RNGTT: variants seen among roughly 807,000 people sequenced by gnomAD.
RNGTT encodes mRNA-capping enzyme.
Under a neutral mutation model 79.3 loss-of-function variants are expected in RNGTT, and 33 were observed. The ratio of observed to expected loss-of-function variants is 0.42; its 90% CI spans 0.32 to 0.56. RNGTT has a LOEUF of 0.56. Ranked by LOEUF, RNGTT falls within the 20% of genes least tolerant of loss-of-function variation. The pLI, the probability that RNGTT is intolerant of heterozygous loss-of-function variation, is 0.17. For missense variants in RNGTT, 497 were observed against 739.1 expected, an observed-to-expected ratio of 0.67 and a Z score of 3.80; for synonymous variants, 222 against 235.9, an observed-to-expected ratio of 0.94 and a Z score of 0.54.
intron 13 of RNGTT, among the ~76,000 whole-genome samples, chr6:88,705,094 T>A (rs999413205): frequency 4.6e-5 from 7 of 152,170 alleles, no homozygotes; most frequent in African/African-American, 1.7e-4. Context: ...TTTATGGAAT[T>A]CCTTTAGATG....
intron 13 of RNGTT, among the ~76,000 whole-genome samples, chr6:88,753,100 C>A (rs1018986439): frequency 2.0e-5 from 3 of 151,856 alleles, no homozygotes; most frequent in South Asian, 4.1e-4. Flanking sequence ...CTTTTATTTC[C>A]CCCTAAAATT....
chr6:88,664,589 G>A (rs1774321693), intron 14 of RNGTT, among the ~76,000 whole-genome samples: 2 of 152,172 alleles, frequency 1.3e-5, no homozygotes, highest in Non-Finnish European at 2.9e-5. Flanking sequence ...AGGGAATGGG[G>A]GCTCCAGGAA....
chr6:88,769,155 T>C (rs1414822052), intron 13 of RNGTT, among the ~76,000 whole-genome samples: 1 of 152,024 alleles, frequency 6.6e-6, no homozygotes, highest in East Asian at 1.9e-4. Context: ...AGTTCTTTTC[T>C]TTGGGGGGAG....
intron 14 of RNGTT, among the ~76,000 whole-genome samples, chr6:88,616,157 T>C (rs989572388): frequency 1.8e-4 from 27 of 152,234 alleles, no homozygotes; most frequent in African/African-American, 5.8e-4. Flanking sequence ...TTGAGGTTTA[T>C]TCATGTTGTA....
chr6:88,821,455 AG>A (rs1255915837), intron 11 of RNGTT, among the ~76,000 whole-genome samples: 1 of 152,112 alleles, frequency 6.6e-6, no homozygotes, highest in African/African-American at 2.4e-5. Flanking sequence ...GGGCATTTTG[AG>A]GAACTATCCA....
chr6:88,662,102 C>T (rs1053809494), intron 14 of RNGTT, among the ~76,000 whole-genome samples: 1 of 152,200 alleles, frequency 6.6e-6, no homozygotes, highest in African/African-American at 2.4e-5. Flanking sequence ...TTGACAAAAT[C>T]TAGCATTCCT....
chr6:88,862,040 C>T (rs1042003679), intron 8 of RNGTT, among the ~76,000 whole-genome samples: 3 of 151,966 alleles, frequency 2.0e-5, no homozygotes, highest in African/African-American at 4.8e-5. Flanking sequence ...AGAAAAAGAC[C>T]AGATAATTTA....
At chr6:88,672,475 G>A (rs111851545) in intron 14 of RNGTT, among the ~76,000 whole-genome samples, 2,504 of 152,168 alleles carry the variant, frequency 0.016, 70 homozygotes, top group African/African-American at 0.056. Flanking sequence ...AACACTGTAT[G>A]TTCTCACTCA....
intron 14 of RNGTT, among the ~76,000 whole-genome samples, chr6:88,615,270 G>T (rs768300935): frequency 8.5e-5 from 13 of 152,216 alleles, no homozygotes; most frequent in Non-Finnish European, 1.9e-4. Context: ...AACTTCATTA[G>T]CATTATCTGA....
chr6:88,913,545 T>C (rs1439633412), intron 4 of RNGTT, among the ~76,000 whole-genome samples: 3 of 152,236 alleles, frequency 2.0e-5, no homozygotes, highest in African/African-American at 7.2e-5. Context: ...GTTGCAATGT[T>C]GGTTCAACAT....
chr6:88,826,804 A>C (rs1337757394), intron 11 of RNGTT, among the ~76,000 whole-genome samples: 1 of 109,922 alleles, frequency 9.1e-6, no homozygotes, highest in African/African-American at 4.1e-5. Flanking sequence ...AAAAAAATAT[A>C]TATATATATA....
rs1274712166 is a variant in RNGTT, at chr6:88,666,667, C to T, written c.1506+11686G>A. On this transcript the variant is annotated intron_variant, in intron 14 of 15. Coordinates refer to ENST00000369485, the MANE Select transcript of RNGTT (RefSeq NM_003800.5). ...AGTTTATTCTAGCAGACCGGACCTC[C>T]GGGACAAACCTTGGATGTCTGTAGA... 6.6e-5 allele frequency among the ~76,000 whole-genome samples: 10 copies of T among 152,178 alleles called. No homozygotes were observed. In the East Asian group the frequency reaches 1.3e-3, roughly 21 times the overall value.
intron 11 of RNGTT, among the ~76,000 whole-genome samples, chr6:88,843,190 T>G (rs991346665): frequency 6.6e-6 from 1 of 150,760 alleles, no homozygotes; most frequent in Non-Finnish European, 1.5e-5. Context: ...GAAAATGAGC[T>G]CTCTCATCTG....
intron 13 of RNGTT, among the ~76,000 whole-genome samples, chr6:88,683,814 A>G (rs1169404477): frequency 6.6e-6 from 1 of 152,178 alleles, no homozygotes. Flanking sequence ...CAAGAGTTCC[A>G]GACCAGCCTG....
At chr6:88,851,038 T>A (rs1196094147) in intron 9 of RNGTT, among the ~76,000 whole-genome samples, 1 of 151,988 alleles carries the variant, frequency 6.6e-6, no homozygotes, top group Non-Finnish European at 1.5e-5. Flanking sequence ...GTTCTAATCA[T>A]CACAGTCCAT....
intron 6 of RNGTT, among the ~76,000 whole-genome samples, chr6:88,897,637 A>T (rs942115090): frequency 2.0e-5 from 3 of 152,186 alleles, no homozygotes; most frequent in African/African-American, 4.8e-5. Flanking sequence ...AGTTTATAGT[A>T]GTGTGCAGAA....
intron 11 of RNGTT, among the ~76,000 whole-genome samples, chr6:88,821,607 A>G (rs1286102683): frequency 1.3e-5 from 2 of 152,040 alleles, no homozygotes; most frequent in African/African-American, 2.4e-5. Context: ...AGCAAAATTC[A>G]AAGTAAACAA....
chr6:88,892,683 T>G lies in RNGTT; in HGVS notation c.685-768A>C, dbSNP rs76474199. ...TAGTCTAGATGTATGCTACAGTTCT[T>G]TTAAGGTCCATAAAGGGACTGGCAT... is the stretch of plus-strand genomic sequence containing the variant. On this transcript the variant is annotated intron_variant, in intron 6 of 15. Coordinates refer to ENST00000369485, the MANE Select transcript of RNGTT (RefSeq NM_003800.5). Among the ~76,000 whole-genome samples, 461 of 152,196 alleles carry G rather than the reference T, an allele frequency of 3.0e-3. 2 individuals carry two copies. Among genetic ancestry groups the G allele is most frequent in the African/African-American group, 0.011 (437 of 41,558 alleles).
intron 7 of RNGTT, among the ~76,000 whole-genome samples, chr6:88,891,018 A>T (rs1036172703): frequency 6.6e-6 from 1 of 152,164 alleles, no homozygotes; most frequent in Non-Finnish European, 1.5e-5. Flanking sequence ...CTTTCTCCTC[A>T]AAAGATACCC....
Sources: allele counts gnomAD v4.1 joint callset (sites outside exome capture counted in the v4.1 genomes callset), GRCh38; gene constraint gnomAD v4.1.1; transcripts MANE v1.5; gene names NCBI Gene and HGNC (gene_info 2026-07-23, HGNC 2026-07-21).